The following ZNF540 variants were observed in gnomAD, a reference collection of about 807,000 sequenced individuals.
ZNF540 encodes the protein CTD-3064H18.6.
ZNF540 carries 3 observed loss-of-function variants against 11.8 expected under a neutral mutation model. The observed-to-expected ratio is 0.25, with a 90% CI of 0.12 to 0.65. ZNF540 has a LOEUF of 0.65. ZNF540 is among the 30% of genes least tolerant of loss of function. The pLI is 0.83. For synonymous variants in ZNF540, 247 were observed against 259.0 expected, an observed-to-expected ratio of 0.95 and a Z score of 0.45; for missense variants, 709 against 793.1, an observed-to-expected ratio of 0.89 and a Z score of 1.27.
intron 1 of ZNF540, among the ~76,000 whole-genome samples, chr19:37,568,055 A>T (rs2042923559): frequency 6.6e-6 from 1 of 152,212 alleles, no homozygotes; most frequent in South Asian, 2.1e-4. Flanking sequence ...TAAAGATCTT[A>T]TATTATTCCG....
chr19:37,555,185 T>C (rs1020100120), intron 1 of ZNF540: 2 of 152,202 alleles, frequency 1.3e-5, no homozygotes, highest in African/African-American at 4.8e-5. Context: ...AGATGGAGTC[T>C]GTCTGGCTCT....
At chr19:37,583,251 G>A (rs11083427) in intron 1 of ZNF540, among the ~76,000 whole-genome samples, 84 of 152,156 alleles carry the variant, frequency 5.5e-4, no homozygotes, top group Non-Finnish European at 6.3e-4. Flanking sequence ...CTCTCAGTAC[G>A]TATGTGCTGG....
chr19:37,565,539 G>GGTAA (rs533128503), intron 1 of ZNF540: 1 of 1,613,520 alleles, frequency 6.2e-7, no homozygotes, highest in African/African-American at 1.3e-5. Context: ...ATTCTCTGAT[G>GGTAA]GTAAGTAAGT....
upstream of ZNF540, among the ~76,000 whole-genome samples, chr19:37,593,560 G>A (rs1301912072): frequency 2.0e-5 from 3 of 152,012 alleles, no homozygotes; most frequent in Non-Finnish European, 2.9e-5. Flanking sequence ...AAAATTAGCC[G>A]GGCATGGTGG....
intron 1 of ZNF540, among the ~76,000 whole-genome samples, chr19:37,576,457 C>T (rs930080827): frequency 6.6e-6 from 1 of 152,110 alleles, no homozygotes; most frequent in Non-Finnish European, 1.5e-5. Context: ...GCTCGTAAAA[C>T]CTTACTCTAC....
At position 37,565,311 on chromosome 19, in the gene ZNF540, A is replaced by G. The variant is rs749683711; in HGVS notation, c.-73+13646A>G. 21 of 1,610,328 alleles carry G rather than the reference A, an allele frequency of 1.3e-5. No homozygotes were observed. The highest frequency in any genetic ancestry group is 4.5e-5 in the East Asian group (2 of 44,780). ...TGGTAAGTAAGTTGTGAGCCACGAA[A>G]AAAGGTCTTCCCGCATTCTTTACAT... On this transcript the variant is annotated intron_variant, in intron 1 of 4. Transcript: ENST00000592533.
At chr19:37,556,485 G>A (rs8110865) in intron 1 of ZNF540, among the ~76,000 whole-genome samples, 38,548 of 151,960 alleles carry the variant, frequency 0.25, 5,577 homozygotes, top group East Asian at 0.63. Flanking sequence ...AGCCATTGGC[G>A]TTGTGAGGAT....
At chr19:37,581,466 C>CTTTT (rs1226046583) in intron 1 of ZNF540, among the ~76,000 whole-genome samples, 18 of 138,702 alleles carry the variant, frequency 1.3e-4, no homozygotes, top group South Asian at 2.3e-4. Flanking sequence ...TTCTTTCTTT[C>CTTTT]TTTTTTTTTT....
intron 4 of ZNF540, among the ~76,000 whole-genome samples, chr19:37,605,961 G>GT (rs2044082353): frequency 6.6e-6 from 1 of 152,158 alleles, no homozygotes; most frequent in South Asian, 2.1e-4. Flanking sequence ...TTTACTCACT[G>GT]TAAGTGCACA....
chr19:37,556,595 C>G (rs1028989858), intron 1 of ZNF540, among the ~76,000 whole-genome samples: 2 of 152,212 alleles, frequency 1.3e-5, no homozygotes, highest in Admixed American at 1.3e-4. Flanking sequence ...AGGACCCTGT[C>G]TGGTCAGGAA....
intron 2 of ZNF540, 71 bp downstream of exon 2, chr19:37,598,527 T>C (rs2044013666): frequency 6.5e-7 from 1 of 1,548,706 alleles, no homozygotes; most frequent in Non-Finnish European, 8.9e-7. Flanking sequence ...TTTCACTCTT[T>C]ATGCTGACAC....
At chr19:37,590,373 C>T (rs1027230753), upstream of ZNF540, among the ~76,000 whole-genome samples, 3 of 151,728 alleles carry the variant, frequency 2.0e-5, no homozygotes, top group Non-Finnish European at 4.4e-5. Flanking sequence ...GCCAAGATCT[C>T]GCCACCGCAC....
At chr19:37,595,266 CAG>C (rs1318975121) in intron 1 of ZNF540, 171 bp downstream of exon 1, 1 of 152,296 alleles carries the variant, frequency 6.6e-6, no homozygotes, top group Non-Finnish European at 1.5e-5. Flanking sequence ...TCTGTGGGTG[CAG>C]AGTGGGTAGT....
upstream of ZNF540, among the ~76,000 whole-genome samples, chr19:37,592,710 A>C (rs968028251): frequency 6.6e-6 from 1 of 152,278 alleles, no homozygotes; most frequent in Non-Finnish European, 1.5e-5. Context: ...AAGGTGATTT[A>C]GGGAAAATCT....
chr19:37,580,779 A>C (rs993550399), intron 1 of ZNF540, among the ~76,000 whole-genome samples: 2 of 152,172 alleles, frequency 1.3e-5, no homozygotes, highest in Non-Finnish European at 2.9e-5. Flanking sequence ...TCATGAATGG[A>C]AGCAGCCTGA....
intron 1 of ZNF540, among the ~76,000 whole-genome samples, chr19:37,573,968 C>A (rs2043157317): frequency 6.6e-6 from 1 of 152,186 alleles, no homozygotes; most frequent in Admixed American, 6.5e-5. Context: ...CACCTCAAAC[C>A]TAGGTCTCCT....
chr19:37,610,089 T>C (rs1368848324), intron 4 of ZNF540, among the ~76,000 whole-genome samples: 1 of 152,236 alleles, frequency 6.6e-6, no homozygotes, highest in African/African-American at 2.4e-5. Flanking sequence ...TTTACTTTTG[T>C]TCTGATCTGT....
At chr19:37,578,561 C>T (rs2043327957) in intron 1 of ZNF540, among the ~76,000 whole-genome samples, 2 of 152,220 alleles carry the variant, frequency 1.3e-5, no homozygotes, top group African/African-American at 4.8e-5. Flanking sequence ...GCTGCCATAA[C>T]CCCAGTGGAA....
chr19:37,596,333 C>T (rs1331266337), intron 1 of ZNF540, among the ~76,000 whole-genome samples: 1 of 152,152 alleles, frequency 6.6e-6, no homozygotes, highest in Non-Finnish European at 1.5e-5. Flanking sequence ...GACAGGCTCT[C>T]ACTGTCTCAC....
Sources: gnomAD v4.1 joint callset for allele counts (sites outside exome capture counted in the v4.1 genomes callset) on GRCh38, gnomAD v4.1.1 for gene constraint, MANE v1.5 for transcripts, NCBI Gene and HGNC (gene_info 2026-07-23, HGNC 2026-07-21) for gene names.